The following CD163L1 variants were observed in gnomAD, a reference collection of about 807,000 sequenced individuals.
CD163L1 encodes scavenger receptor cysteine-rich type 1 protein M160.
CD163L1 carries 124 observed loss-of-function variants against 165.4 expected under a neutral mutation model. The ratio of observed to expected loss-of-function variants is 0.75; its 90% confidence interval spans 0.65 to 0.87. The LOEUF (loss-of-function observed/expected upper bound fraction) is 0.87, where lower values mean the gene tolerates loss of function less well. Ranked by LOEUF, CD163L1 falls within the 40% of genes least tolerant of loss-of-function variation. The pLI is 0.00. For synonymous variants in CD163L1, 585 were observed against 662.2 expected, an observed-to-expected ratio of 0.88 and a Z score of 1.79; for missense variants, 1,525 against 1,799.9, an observed-to-expected ratio of 0.85 and a Z score of 2.76.
In CD163L1 at chr12:7,414,914, G is replaced by T. The variant is rs1948207619; in HGVS notation, c.767-8062C>A. On this transcript the variant is annotated intron_variant, in intron 4 of 19. Transcript: ENST00000313599. Reference sequence around the variant, plus strand: ...AGACCTTCCTAAACAAACAAAAACTGAGAAAGTTTATCACCACATCTTCCT... The same window carrying T: ...AGACCTTCCTAAACAAACAAAAACTTAGAAAGTTTATCACCACATCTTCCT... Among the ~76,000 whole-genome samples the T allele has an allele frequency of 1.3e-5, 2 of 152,076 alleles. 1 individual carries two copies. The highest frequency in any genetic ancestry group is 4.1e-4 in the South Asian group (2 of 4,826).
chr12:7,433,543 T>G lies in CD163L1; in HGVS notation c.276A>C (p.Pro92=). 1 of 1,613,884 alleles carries G rather than the reference T, an allele frequency of 6.2e-7. No homozygotes were observed. The highest frequency in any genetic ancestry group is 8.5e-7 in the Non-Finnish European group (1 of 1,179,982). Residue 92 remains proline (P), a synonymous_variant, in exon 3 of 20, where the codon CCA becomes CCC. Coordinates refer to ENST00000313599, the MANE Select transcript of CD163L1 (RefSeq NM_174941.6). ...STVVCKQLGC[P]FSFAMFRFGQ... is the part of the protein sequence containing the mutation. ...CAAAACGAAACATGGCGAAAGAAAA[T>G]GGACATCCAAGCTGTTTGCACACGA... is the stretch of plus-strand genomic sequence containing the variant.
At position 7,433,559 on chromosome 12, in the gene CD163L1, T is replaced by C. The variant is rs746249310; in HGVS notation, c.260A>G (p.Lys87Arg). Residue 87 changes from lysine to arginine, a missense_variant, in exon 3 of 20, where the codon AAA (lysine) becomes AGA (arginine). Physicochemically the swap from Lys to Arg is conservative, Grantham distance 26. Coordinates refer to ENST00000313599, the MANE Select transcript of CD163L1 (RefSeq NM_174941.6). ...WNTTASTVVCKQLGCPFSFAM... is the reference protein window; with the variant it reads ...WNTTASTVVCRQLGCPFSFAM... ...GAAAGAAAATGGACATCCAAGCTGTTTGCACACGACAGTTGAGGCAGTAGT... is the reference window on the plus strand; with the variant it reads ...GAAAGAAAATGGACATCCAAGCTGTCTGCACACGACAGTTGAGGCAGTAGT... The C allele has an allele frequency of 9.3e-6, 15 of 1,613,998 alleles. 1 individual carries two copies. The Middle Eastern group carries it at 4.9e-4, about 53-fold the overall frequency.
At chr12:7,407,917 A>C (rs1294185829) in intron 4 of CD163L1, among the ~76,000 whole-genome samples, 1 of 152,004 alleles carries the variant, frequency 6.6e-6, no homozygotes, top group South Asian at 2.1e-4. Context: ...CAAGTCCCTT[A>C]GTTGGCCTTC....
At chr12:7,385,327 T>C (rs1291299782) in intron 8 of CD163L1, among the ~76,000 whole-genome samples, 1 of 151,046 alleles carries the variant, frequency 6.6e-6, no homozygotes, top group Non-Finnish European at 1.5e-5. Context: ...TCTAAATACA[T>C]ATACACCCAA....
At chr12:7,345,441 C>G (rs1192183337), downstream of CD163L1, among the ~76,000 whole-genome samples, 1 of 152,122 alleles carries the variant, frequency 6.6e-6, no homozygotes, top group Non-Finnish European at 1.5e-5. Flanking sequence ...CATTAAGTTC[C>G]TCAATTTCAT....
intron 9 of CD163L1, 35 bp downstream of exon 9, chr12:7,378,943 T>C: frequency 6.5e-7 from 1 of 1,548,334 alleles, no homozygotes; most frequent in Non-Finnish European, 8.7e-7. Flanking sequence ...AAATAAATAA[T>C]TAAATAAATG....
intron 6 of CD163L1, among the ~76,000 whole-genome samples, chr12:7,399,358 T>A (rs1947857595): frequency 1.1e-5 from 1 of 93,760 alleles, no homozygotes; most frequent in Non-Finnish European, 2.3e-5. Flanking sequence ...TCATTCTCTC[T>A]TCTTTCTCTT....
At chr12:7,421,813 A>G (rs996225668) in intron 4 of CD163L1, among the ~76,000 whole-genome samples, 1 of 150,626 alleles carries the variant, frequency 6.6e-6, no homozygotes, top group African/African-American at 2.4e-5. Context: ...AAAACCAAAC[A>G]CCATATGTTC....
chr12:7,354,412 T>C (rs1946735788), downstream of CD163L1, among the ~76,000 whole-genome samples: 1 of 152,088 alleles, frequency 6.6e-6, no homozygotes, highest in African/African-American at 2.4e-5. Context: ...GGGATAAAAA[T>C]GAAGACAACT....
At chr12:7,407,614 G>A (rs992752923) in intron 4 of CD163L1, among the ~76,000 whole-genome samples, 2 of 150,258 alleles carry the variant, frequency 1.3e-5, no homozygotes, top group Non-Finnish European at 3.0e-5. Flanking sequence ...AAAGAAATAA[G>A]GAAATAAGGA....
chr12:7,330,992 C>A, the CD163L1 span, among the ~76,000 whole-genome samples: 1 of 152,196 alleles, frequency 6.6e-6, no homozygotes, highest in South Asian at 2.1e-4. Flanking sequence ...CGAGGCATCG[C>A]CTCACCCAGG....
intron 7 of CD163L1, 55 bp from the exon 8 acceptor site, chr12:7,396,470 T>C: frequency 6.8e-7 from 1 of 1,475,866 alleles, no homozygotes; most frequent in South Asian, 1.3e-5. Flanking sequence ...TTATTTTATA[T>C]GTCAACTTGG....
chr12:7,436,398 G>C (rs1020940455), intron 2 of CD163L1, among the ~76,000 whole-genome samples: 17 of 152,066 alleles, frequency 1.1e-4, no homozygotes, highest in African/African-American at 4.1e-4. Context: ...TGATTAAACA[G>C]AAATAAGAAA....
rs2136656551 is a variant in CD163L1, at chr12:7,441,246, T to C, written c.32A>G (p.Asp11Gly). 2 of 1,612,144 alleles carry C rather than the reference T, an allele frequency of 1.2e-6. No individual in the cohort carries two copies. Among genetic ancestry groups the C allele is most frequent in the Middle Eastern group, 1.7e-4 (1 of 6,058 alleles). The change falls in exon 2 of 20, where the codon GAT becomes GGT. Residue 11 changes from aspartate to glycine, a missense_variant and splice_region_variant. Asp to Gly is a moderately conservative substitution (Grantham distance 94). Transcript: ENST00000313599. MMLPQNSWHI[D>G]FGRCCCHQNL... ...CTGATGACAGCAGCATCTTCCAAAATCTGGAGAAACAAAATATAGCAGGGT... is the reference window on the plus strand; with the variant it reads ...CTGATGACAGCAGCATCTTCCAAAACCTGGAGAAACAAAATATAGCAGGGT...
intron 6 of CD163L1, 110 bp downstream of exon 6, chr12:7,403,425 T>G (rs753834381): frequency 7.9e-5 from 81 of 1,027,880 alleles, no homozygotes; most frequent in Middle Eastern, 2.7e-4. Flanking sequence ...GTATTTTGGG[T>G]TTTTTTTTAA....
chr12:7,331,651 C>A, the CD163L1 span, among the ~76,000 whole-genome samples: 2 of 152,224 alleles, frequency 1.3e-5, no homozygotes, highest in Non-Finnish European at 2.9e-5. Flanking sequence ...GCAGCCACCG[C>A]TGCTGATACC....
chr12:7,323,904 C>T, the CD163L1 span, among the ~76,000 whole-genome samples: 2 of 152,240 alleles, frequency 1.3e-5, no homozygotes, highest in Admixed American at 6.5e-5. Context: ...CAGCCAGGCA[C>T]AGTGGCTCAC....
At chr12:7,370,208 C>T (rs1035806106) in intron 14 of CD163L1, among the ~76,000 whole-genome samples, 1 of 152,178 alleles carries the variant, frequency 6.6e-6, no homozygotes, top group African/African-American at 2.4e-5. Flanking sequence ...GACCTCTCGT[C>T]ACATGGCTGT....
At chr12:7,351,300 T>A (rs960748460), downstream of CD163L1, among the ~76,000 whole-genome samples, 6 of 152,140 alleles carry the variant, frequency 3.9e-5, no homozygotes, top group Admixed American at 3.9e-4. Flanking sequence ...TGAGCATCCA[T>A]AACAAAATAC....
Sources: gnomAD v4.1 joint callset for allele counts (sites outside exome capture counted in the v4.1 genomes callset) on GRCh38, gnomAD v4.1.1 for gene constraint, MANE v1.5 for transcripts, NCBI Gene and HGNC (gene_info 2026-07-23, HGNC 2026-07-21) for gene names.